PITPNM3: variants seen among roughly 807,000 people sequenced by gnomAD.
The protein encoded by PITPNM3 is membrane-associated phosphatidylinositol transfer protein 3.
A neutral mutation model predicts 102.0 loss-of-function variants in PITPNM3; 26 were observed. The ratio of observed to expected loss-of-function variants is 0.25; its 90% CI spans 0.19 to 0.35. The LOEUF is 0.35. Among genes scored for constraint, PITPNM3 ranks in the 10% least tolerant of loss-of-function variants. PITPNM3 has a pLI of 1.00. For synonymous variants in PITPNM3, 578 were observed against 558.6 expected, an observed-to-expected ratio of 1.03 and a Z score of -0.49; for missense variants, 1,083 against 1,346.1, an observed-to-expected ratio of 0.80 and a Z score of 3.06.
intron 3 of PITPNM3, 113 bp downstream of exon 3, chr17:6,525,243 G>T: frequency 1.1e-6 from 1 of 943,512 alleles, no homozygotes; most frequent in Non-Finnish European, 1.7e-6. Flanking sequence ...AGGAACCAAG[G>T]CAGATAGACT....
chr17:6,529,496 A>G (rs1909023332), intron 2 of PITPNM3, among the ~76,000 whole-genome samples: 1 of 151,848 alleles, frequency 6.6e-6, no homozygotes, highest in South Asian at 2.1e-4. Flanking sequence ...CAGGAGGCTG[A>G]GGTGGAAGAA....
chr17:6,461,046 C>G (rs1257981726), intron 18 of PITPNM3: 1 of 407,530 alleles, frequency 2.5e-6, no homozygotes, highest in East Asian at 5.4e-5. Context: ...CTGTGCAGCC[C>G]CAACAAGCAC....
intron 12 of PITPNM3, 35 bp downstream of exon 12, chr17:6,471,126 G>A (rs745907740): frequency 1.1e-5 from 17 of 1,609,310 alleles, no homozygotes; most frequent in Admixed American, 6.7e-5. Context: ...CCCCTCCCCC[G>A]AATCCAGGCA....
chr17:6,471,062 G>C, intron 12 of PITPNM3, 99 bp downstream of exon 12: 2 of 1,412,558 alleles, frequency 1.4e-6, no homozygotes, highest in Non-Finnish European at 2.0e-6. Flanking sequence ...CCCTATCCCA[G>C]GGCCTGCCCT....
intron 2 of PITPNM3, among the ~76,000 whole-genome samples, chr17:6,535,123 C>T (rs997690724): frequency 3.3e-5 from 5 of 152,024 alleles, no homozygotes; most frequent in African/African-American, 1.2e-4. Context: ...TTGGCCCCAC[C>T]ACAACTAGAG....
intron 4 of PITPNM3, among the ~76,000 whole-genome samples, chr17:6,487,811 C>T (rs1906186890): frequency 6.6e-6 from 1 of 152,170 alleles, no homozygotes; most frequent in South Asian, 2.1e-4. Context: ...GCATCCTGGC[C>T]ACCAACGATG....
intron 3 of PITPNM3, among the ~76,000 whole-genome samples, chr17:6,513,415 C>T (rs1193758651): frequency 6.6e-6 from 1 of 151,946 alleles, no homozygotes; most frequent in Non-Finnish European, 1.5e-5. Flanking sequence ...TAAAGAATCC[C>T]CCCAAAAATA....
At chr17:6,461,642 C>T in intron 17 of PITPNM3, 86 bp from the exon 18 acceptor site, 1 of 1,476,572 alleles carries the variant, frequency 6.8e-7, no homozygotes, top group Non-Finnish European at 9.5e-7. Context: ...CAGCTGCCCT[C>T]CTGAGACGTC....
chr17:6,510,647 G>A (rs1907813749), intron 3 of PITPNM3, among the ~76,000 whole-genome samples: 1 of 152,260 alleles, frequency 6.6e-6, no homozygotes, highest in African/African-American at 2.4e-5. Flanking sequence ...AGTGAGGGAA[G>A]GAATGTATGA....
In PITPNM3 at chr17:6,469,189, G is replaced by T. The variant is rs937634835; in HGVS notation, c.1774-848C>A. ...GCACTCATCGCCAGTTGTAAATGCC[G>T]TCCAAGCTCTGATGACACCCACATT... On this transcript the variant is annotated intron_variant, in intron 13 of 19. Coordinates refer to ENST00000262483, the MANE Select transcript of PITPNM3 (RefSeq NM_031220.4). This position sits in a 1 kb window ranked among gnomAD's most constrained non-coding sequence, Gnocchi z 4.0. 3.9e-5 allele frequency among the ~76,000 whole-genome samples: 6 copies of T among 152,152 alleles called. No individual in the cohort carries two copies. Among genetic ancestry groups the T allele is most frequent in the African/African-American group, 1.4e-4 (6 of 41,426 alleles).
rs1180298939 is a variant in PITPNM3, at chr17:6,478,059, G to A, written c.816C>T (p.Ala272=). 1 of 1,613,732 alleles carries A rather than the reference G, an allele frequency of 6.2e-7. No homozygotes were observed. The highest frequency in any genetic ancestry group is 1.7e-5 in the Admixed American group (1 of 60,030). Residue 272 remains alanine (A), a synonymous_variant, in exon 8 of 20, where the codon GCC becomes GCT. Coordinates refer to ENST00000262483, the MANE Select transcript of PITPNM3 (RefSeq NM_031220.4). This position sits in a 1 kb window ranked among gnomAD's most constrained non-coding sequence, Gnocchi z 4.4. ...CCGCACTGTAGCAGATGGCATCGAA[G>A]GCCAGGAGGCCCCCCACACAGTCCC... ...LIGDCVGGLL[A]FDAICYSAGP... is the part of the protein sequence containing the mutation.
intron 4 of PITPNM3, among the ~76,000 whole-genome samples, chr17:6,501,495 C>G (rs377434554): frequency 1.0e-3 from 158 of 152,276 alleles, no homozygotes; most frequent in African/African-American, 3.4e-3. Flanking sequence ...CAACCCAAGG[C>G]CAGCTACCAG....
At chr17:6,522,684 C>A (rs1431569970) in intron 3 of PITPNM3, among the ~76,000 whole-genome samples, 1 of 152,128 alleles carries the variant, frequency 6.6e-6, no homozygotes, top group East Asian at 1.9e-4. Flanking sequence ...TAAGGGCAGG[C>A]AACTTGAAGA....
chr17:6,459,409 G>GTGC lies in PITPNM3; in HGVS notation c.2491-1690_2491-1688dup, dbSNP rs1197271667. ...CCTCCTGGTTCCTCAGCTGCTCCTT[G>GTGC]TGCTGCTCTCAGTGGCCCAGCACAG... On this transcript the variant is annotated intron_variant, in intron 18 of 19. Transcript: ENST00000262483. The surrounding 1 kb of genome is among the most constrained non-coding windows in gnomAD (Gnocchi z 5.0). Among the ~76,000 whole-genome samples, 5 of 151,490 alleles carry GTGC rather than the reference G, an allele frequency of 3.3e-5. No homozygotes were observed. The highest frequency in any genetic ancestry group is 3.3e-4 in the Admixed American group (5 of 15,238).
chr17:6,516,905 A>T (rs981546767), intron 3 of PITPNM3, among the ~76,000 whole-genome samples: 3 of 152,256 alleles, frequency 2.0e-5, no homozygotes, highest in East Asian at 1.9e-4. Context: ...TAAAAACGTA[A>T]ATCTTCAGGA....
intron 4 of PITPNM3, among the ~76,000 whole-genome samples, chr17:6,490,530 A>C (rs1319641799): frequency 6.6e-6 from 1 of 152,200 alleles, no homozygotes; most frequent in Non-Finnish European, 1.5e-5. Context: ...AAGGAAGAGC[A>C]ACCAAAAAGC....
At chr17:6,496,472 T>A (rs1906829317) in intron 4 of PITPNM3, among the ~76,000 whole-genome samples, 3 of 152,194 alleles carry the variant, frequency 2.0e-5, no homozygotes, top group Non-Finnish European at 2.9e-5. Context: ...CGTGACCAGA[T>A]AATTCCCACA....
At chr17:6,547,738 C>T (rs1312071754) in intron 1 of PITPNM3, among the ~76,000 whole-genome samples, 1 of 148,956 alleles carries the variant, frequency 6.7e-6, no homozygotes, top group Non-Finnish European at 1.5e-5. Context: ...CTTTTCTTTT[C>T]TTTTCTTTTT....
chr17:6,539,709 C>A (rs1250084241), intron 1 of PITPNM3, among the ~76,000 whole-genome samples: 2 of 152,220 alleles, frequency 1.3e-5, no homozygotes, highest in African/African-American at 4.8e-5. Flanking sequence ...TGTATGTTTT[C>A]TCAATCAACA....
Sources: gnomAD v4.1 joint callset for allele counts (sites outside exome capture counted in the v4.1 genomes callset) on GRCh38, gnomAD v4.1.1 for gene constraint, Gnocchi (gnomAD v3.1) non-coding constraint, MANE v1.5 for transcripts, NCBI Gene and HGNC (gene_info 2026-07-23, HGNC 2026-07-21) for gene names.